MAPK4: variants seen among roughly 807,000 people sequenced by gnomAD.
MAPK4 encodes the protein Erk3-related.
MAPK4 carries 22 observed loss-of-function variants against 47.7 expected under a neutral mutation model. The observed-to-expected ratio is 0.46, with a 90% CI of 0.33 to 0.66. The LOEUF (loss-of-function observed/expected upper bound fraction) is 0.66. Among genes scored for constraint, MAPK4 ranks in the 30% least tolerant of loss-of-function variants. MAPK4 has a pLI of 0.02. For synonymous variants in MAPK4, 390 were observed against 365.7 expected, an observed-to-expected ratio of 1.07 and a Z score of -0.76; for missense variants, 736 against 831.7, an observed-to-expected ratio of 0.88 and a Z score of 1.42.
chr18:50,715,247 T>C (rs1243724243), intron 3 of MAPK4, 24 bp downstream of exon 3: 1 of 1,606,988 alleles, frequency 6.2e-7, no homozygotes. Flanking sequence ...TATGCCACCT[T>C]CCTTCTCATC....
intron 1 of MAPK4, among the ~76,000 whole-genome samples, chr18:50,594,987 A>G (rs2042469513): frequency 6.6e-6 from 1 of 152,254 alleles, no homozygotes. Context: ...GGAAATATAA[A>G]TGAAAACCAC....
At chr18:50,666,715 A>G (rs1907620550) in intron 2 of MAPK4, among the ~76,000 whole-genome samples, 1 of 152,186 alleles carries the variant, frequency 6.6e-6, no homozygotes, top group Non-Finnish European at 1.5e-5. Flanking sequence ...CACTGGAGGC[A>G]GTTATGAGCC....
chr18:50,680,798 T>C (rs191150225), intron 2 of MAPK4, among the ~76,000 whole-genome samples: 1 of 152,394 alleles, frequency 6.6e-6, no homozygotes, highest in Admixed American at 6.5e-5. Context: ...TTTCATTGTT[T>C]GGATATGTCA....
intron 1 of MAPK4, among the ~76,000 whole-genome samples, chr18:50,645,001 G>C (rs551050580): frequency 6.6e-6 from 1 of 152,214 alleles, no homozygotes; most frequent in Admixed American, 6.5e-5. Flanking sequence ...ATGGGATGGG[G>C]ATTTGCAGGC....
At chr18:50,715,685 C>G (rs1372659550) in intron 3 of MAPK4, among the ~76,000 whole-genome samples, 2 of 152,212 alleles carry the variant, frequency 1.3e-5, no homozygotes, top group African/African-American at 4.8e-5. Flanking sequence ...GTATGGGCCT[C>G]TCACCAGACA....
intron 2 of MAPK4, among the ~76,000 whole-genome samples, chr18:50,711,931 G>A (rs770050188): frequency 2.6e-5 from 4 of 151,368 alleles, no homozygotes; most frequent in Non-Finnish European, 4.4e-5. Flanking sequence ...GGGCCCCAGA[G>A]CCTCTCCCAT....
chr18:50,601,794 C>A (rs181752135), intron 1 of MAPK4, among the ~76,000 whole-genome samples: 20 of 152,300 alleles, frequency 1.3e-4, no homozygotes, highest in Non-Finnish European at 5.9e-5. Flanking sequence ...CTATCTTTTT[C>A]TTGCTGTGGG....
chr18:50,578,634 A>G (rs2042317874), intron 1 of MAPK4, among the ~76,000 whole-genome samples: 1 of 152,242 alleles, frequency 6.6e-6, no homozygotes, highest in African/African-American at 2.4e-5. Flanking sequence ...AGATTGATAG[A>G]TGGATTTTTT....
chr18:50,629,778 G>A (rs760287970), intron 1 of MAPK4: 5 of 152,274 alleles, frequency 3.3e-5, no homozygotes, highest in African/African-American at 9.6e-5. Flanking sequence ...GAAGATCAGC[G>A]ATGGAAATCA....
chr18:50,702,011 A>G (rs979544519), intron 2 of MAPK4, among the ~76,000 whole-genome samples: 10 of 151,856 alleles, frequency 6.6e-5, no homozygotes, highest in African/African-American at 2.4e-4. Flanking sequence ...AAACAGAAAA[A>G]ATTAGCTGGG....
chr18:50,701,941 A>T (rs556650495), intron 2 of MAPK4, among the ~76,000 whole-genome samples: 139 of 152,224 alleles, frequency 9.1e-4, no homozygotes, highest in African/African-American at 2.6e-3. Context: ...GGATCGAATC[A>T]CTTGAGCTCA....
intron 1 of MAPK4, among the ~76,000 whole-genome samples, chr18:50,594,729 T>G (rs1441117435): frequency 1.3e-5 from 2 of 152,176 alleles, no homozygotes; most frequent in Non-Finnish European, 2.9e-5. Flanking sequence ...ATAAGATAAA[T>G]TAGAATTTAT....
chr18:50,602,166 C>T (rs894006497), intron 1 of MAPK4, among the ~76,000 whole-genome samples: 6 of 152,068 alleles, frequency 3.9e-5, no homozygotes, highest in Admixed American at 1.3e-4. Context: ...TGAGAAATGC[C>T]GCAGATCTTC....
At chr18:50,701,706 G>A (rs1452168804) in intron 2 of MAPK4, among the ~76,000 whole-genome samples, 1 of 152,130 alleles carries the variant, frequency 6.6e-6, no homozygotes, top group Non-Finnish European at 1.5e-5. Flanking sequence ...GTTAATGAGT[G>A]TCGTTAATTC....
chr18:50,725,990 C>T lies in MAPK4; in HGVS notation c.882C>T (p.Thr294=). The T allele has an allele frequency of 6.2e-7, 1 of 1,614,168 alleles. No homozygotes were observed. The highest frequency in any genetic ancestry group is 1.1e-5 in the South Asian group (1 of 91,078). The part of the protein sequence containing the change: ...EAIDFLEKIL[T]FNPMDRLTAE... Reference sequence around the variant, plus strand: ...TCGACTTTCTGGAGAAGATCCTGACCTTTAACCCCATGGATCGCCTAACAG... The same window carrying T: ...TCGACTTTCTGGAGAAGATCCTGACTTTTAACCCCATGGATCGCCTAACAG... The change falls in exon 5 of 6, where the codon ACC becomes ACT. Residue 294 remains threonine (T), a synonymous_variant. Transcript: ENST00000400384.
intron 1 of MAPK4, among the ~76,000 whole-genome samples, chr18:50,568,991 A>G (rs1356733161): frequency 6.6e-6 from 1 of 152,226 alleles, no homozygotes; most frequent in Non-Finnish European, 1.5e-5. Context: ...TGAGCATAGT[A>G]AGCATAATTG....
intron 2 of MAPK4, among the ~76,000 whole-genome samples, chr18:50,710,586 G>A (rs1233763270): frequency 1.3e-5 from 2 of 151,822 alleles, no homozygotes; most frequent in East Asian, 3.9e-4. Context: ...GACCATCCTG[G>A]CTAACACAGT....
At position 50,697,942 on chromosome 18, in the gene MAPK4, C is replaced by T. The variant is rs148393663; in HGVS notation, c.547-17137C>T. ...AATTAGGGGAGTTCGCTCTTATTCC[C>T]TGTCACTCTAGGAAATACTGAACTG... On this transcript the variant is annotated intron_variant, in intron 2 of 5. Coordinates refer to ENST00000400384, the MANE Select transcript of MAPK4 (RefSeq NM_002747.4). 1.3e-3 allele frequency among the ~76,000 whole-genome samples: 198 copies of T among 152,284 alleles called. 1 individual carries two copies. Among genetic ancestry groups the T allele is most frequent in the African/African-American group, 4.3e-3 (180 of 41,554 alleles).
At chr18:50,725,623 C>A (rs776792933) in intron 4 of MAPK4, among the ~76,000 whole-genome samples, 3 of 152,236 alleles carry the variant, frequency 2.0e-5, no homozygotes, top group Admixed American at 6.5e-5. Flanking sequence ...CTCACTCCCC[C>A]ACCTGTGCTT....
Sources: allele counts gnomAD v4.1 joint callset (sites outside exome capture counted in the v4.1 genomes callset), GRCh38; gene constraint gnomAD v4.1.1; transcripts MANE v1.5; gene names NCBI Gene and HGNC (gene_info 2026-07-23, HGNC 2026-07-21).